Variants in ATRNL1 observed in about 807,000 individuals in gnomAD.
The protein encoded by ATRNL1 is attractin like 1.
A neutral mutation model predicts 182.7 loss-of-function variants in ATRNL1; 95 were observed. That is an observed-to-expected ratio of 0.52 (90% CI 0.44 to 0.62). The LOEUF (loss-of-function observed/expected upper bound fraction) is 0.62. Ranked by LOEUF, ATRNL1 falls within the 20% of genes least tolerant of loss-of-function variation. The pLI, the probability that ATRNL1 is intolerant of heterozygous loss-of-function variation, is 0.00. For missense variants in ATRNL1, 1,471 were observed against 1,679.5 expected (o/e 0.88, Z 2.17); for synonymous variants, 576 against 568.3 (o/e 1.01, Z -0.19).
intron 19 of ATRNL1, among the ~76,000 whole-genome samples, chr10:115,342,921 A>G (rs1210743704): frequency 6.6e-6 from 1 of 152,128 alleles, no homozygotes; most frequent in East Asian, 1.9e-4. Flanking sequence ...TTCCTTCAGC[A>G]CTTTAAATAT....
At chr10:115,445,913 T>C (rs376083001) in intron 21 of ATRNL1, among the ~76,000 whole-genome samples, 1 of 119,410 alleles carries the variant, frequency 8.4e-6, no homozygotes, top group African/African-American at 3.2e-5. Context: ...ATTCATGTTA[T>C]AGCAGAAATC....
At chr10:115,471,432 T>C (rs34167170) in intron 24 of ATRNL1, among the ~76,000 whole-genome samples, 29,626 of 150,840 alleles carry the variant, frequency 0.2, 3,092 homozygotes, top group South Asian at 0.24. Context: ...CGGCTTTACA[T>C]GATGGCTATA....
intron 27 of ATRNL1, among the ~76,000 whole-genome samples, chr10:115,737,665 C>T (rs1947997709): frequency 6.6e-6 from 1 of 152,092 alleles, no homozygotes; most frequent in African/African-American, 2.4e-5. Flanking sequence ...GTCCCCTTCA[C>T]TTGTTAATGT....
At chr10:115,096,892 G>A in intron 1 of ATRNL1, 1 of 854,240 alleles carries the variant, frequency 1.2e-6, no homozygotes, top group Non-Finnish European at 1.5e-6. Flanking sequence ...AAAGGACTTG[G>A]GATTGAGAAT....
chr10:115,943,929 C>T (rs145814994), intron 28 of ATRNL1, among the ~76,000 whole-genome samples: 1 of 152,018 alleles, frequency 6.6e-6, no homozygotes, highest in Non-Finnish European at 1.5e-5. Flanking sequence ...GAAAGGAGAC[C>T]GTCTGAAAGG....
chr10:115,480,649 G>C (rs1316272722), intron 24 of ATRNL1, among the ~76,000 whole-genome samples: 1 of 150,886 alleles, frequency 6.6e-6, no homozygotes, highest in Non-Finnish European at 1.5e-5. Context: ...TTTTCTAATA[G>C]CTATAAAATA....
intron 8 of ATRNL1, among the ~76,000 whole-genome samples, chr10:115,195,525 G>A (rs1323598828): frequency 2.6e-5 from 4 of 151,892 alleles, no homozygotes; most frequent in African/African-American, 9.7e-5. Context: ...TGCTGCTTTT[G>A]GATCTGTTCC....
chr10:115,429,803 C>T (rs186671916), intron 21 of ATRNL1, among the ~76,000 whole-genome samples: 1,937 of 152,268 alleles, frequency 0.013, 44 homozygotes, highest in African/African-American at 0.043. Context: ...CGCTGTGGCT[C>T]ACACCTGTAA....
intron 24 of ATRNL1, among the ~76,000 whole-genome samples, chr10:115,494,688 G>C (rs1173849974): frequency 6.6e-6 from 1 of 152,132 alleles, no homozygotes; most frequent in Non-Finnish European, 1.5e-5. Context: ...CAAAGATAAA[G>C]CCTACTTAAT....
intron 5 of ATRNL1, among the ~76,000 whole-genome samples, chr10:115,158,238 T>C (rs782683631): frequency 6.6e-6 from 1 of 152,048 alleles, no homozygotes; most frequent in Non-Finnish European, 1.5e-5. Context: ...AATTTCTATA[T>C]GATTTCATGT....
At chr10:115,250,638 G>A (rs1342776650) in intron 10 of ATRNL1, among the ~76,000 whole-genome samples, 1 of 152,136 alleles carries the variant, frequency 6.6e-6, no homozygotes, top group Non-Finnish European at 1.5e-5. Flanking sequence ...CTACCAGATG[G>A]TTTGCTTTCT....
intron 19 of ATRNL1, among the ~76,000 whole-genome samples, chr10:115,359,934 A>G (rs1554943762): frequency 1.3e-5 from 2 of 151,642 alleles, no homozygotes; most frequent in Non-Finnish European, 1.5e-5. Flanking sequence ...GATTTTTAAC[A>G]TACATTTTGT....
intron 9 of ATRNL1, among the ~76,000 whole-genome samples, chr10:115,239,295 C>T (rs782482258): frequency 7.9e-5 from 12 of 151,860 alleles, no homozygotes; most frequent in African/African-American, 2.4e-4. Context: ...TGCAGTGGTG[C>T]GATCTCAGCT....
intron 25 of ATRNL1, among the ~76,000 whole-genome samples, chr10:115,528,608 T>G (rs1851384948): frequency 6.6e-6 from 1 of 152,074 alleles, no homozygotes; most frequent in Non-Finnish European, 1.5e-5. Context: ...TTTTCTCTAT[T>G]GTTTTTCTAT....
chr10:115,722,833 G>A (rs1461211797), intron 26 of ATRNL1, among the ~76,000 whole-genome samples: 4 of 151,970 alleles, frequency 2.6e-5, no homozygotes, highest in Non-Finnish European at 5.9e-5. Context: ...TGATTTGCAA[G>A]ACAGGTCCAC....
At chr10:115,485,174 C>A (rs1848960255) in intron 24 of ATRNL1, among the ~76,000 whole-genome samples, 1 of 151,876 alleles carries the variant, frequency 6.6e-6, no homozygotes, top group Admixed American at 6.6e-5. Context: ...AGTGTTCCTT[C>A]ATTTTTATTG....
intron 10 of ATRNL1, among the ~76,000 whole-genome samples, chr10:115,263,637 G>A (rs956248431): frequency 2.0e-5 from 3 of 151,648 alleles, no homozygotes; most frequent in Non-Finnish European, 4.4e-5. Flanking sequence ...ACTTTTATGT[G>A]TACTTAATTT....
chr10:115,557,011 A>G (rs1276794410), intron 26 of ATRNL1, among the ~76,000 whole-genome samples: 1 of 151,938 alleles, frequency 6.6e-6, no homozygotes, highest in Non-Finnish European at 1.5e-5. Context: ...CAAATGTTCT[A>G]ATATGCACTA....
At chr10:115,495,833 G>A (rs782685966) in intron 24 of ATRNL1, among the ~76,000 whole-genome samples, 15 of 151,908 alleles carry the variant, frequency 9.9e-5, no homozygotes, top group Non-Finnish European at 1.8e-4. Context: ...ATGTATGTTA[G>A]GTCCACTTGA....
Sources: gnomAD v4.1 joint callset for allele counts (sites outside exome capture counted in the v4.1 genomes callset) on GRCh38, gnomAD v4.1.1 for gene constraint, MANE v1.5 for transcripts, NCBI Gene and HGNC (gene_info 2026-07-23, HGNC 2026-07-21) for gene names.